The following CCDC3 variants were observed in gnomAD, a reference collection of about 807,000 sequenced individuals.
CCDC3 encodes the protein coiled-coil domain containing 3, also known as coiled-coil domain-containing protein 3.
In CCDC3, 24 loss-of-function variants were observed where a neutral mutation model predicts 21.4. The observed-to-expected ratio is 1.12, with a 90% CI of 0.81 to 1.58. The LOEUF (loss-of-function observed/expected upper bound fraction) is 1.58, where lower values mean the gene tolerates loss of function less well. Among genes scored for constraint, CCDC3 ranks in the 40% most tolerant of loss-of-function variants. The pLI is 0.00. For synonymous variants in CCDC3, 186 were observed against 166.0 expected (o/e 1.12, Z -0.93); for missense variants, 425 against 360.9 (o/e 1.18, Z -1.44).
At chr10:13,002,320 G>A (rs1478667507), upstream of CCDC3, among the ~76,000 whole-genome samples, 1 of 152,180 alleles carries the variant, frequency 6.6e-6, no homozygotes, top group Non-Finnish European at 1.5e-5. Flanking sequence ...TCACATCAGT[G>A]AGTGAATTTG....
chr10:12,925,955 T>G lies in CCDC3; in HGVS notation c.550-27276A>C, dbSNP rs142950579. On this transcript the variant is annotated intron_variant, in intron 2 of 2. Coordinates refer to ENST00000378825, the MANE Select transcript of CCDC3 (RefSeq NM_031455.4). ...GGTTTGGCACAGGCCCTGGGAGGCT[T>G]TATTGGGCCACAAAGGCAGAATTTG... Among the ~76,000 whole-genome samples, 475 of 152,328 alleles carry G rather than the reference T, an allele frequency of 3.1e-3. 2 individuals carry two copies. Among genetic ancestry groups the G allele is most frequent in the African/African-American group, 0.011 (441 of 41,576 alleles).
In CCDC3 at chr10:12,898,562, T is replaced by C. The variant is rs748960897; in HGVS notation, c.667A>G (p.Lys223Glu). Residue 223 changes from lysine to glutamate, a missense_variant, in exon 3 of 3, where the codon AAG (lysine) becomes GAG (glutamate). Transcript: ENST00000378825. ...RNRQLRERVK[K>E]VKRSLRQARK... ...GCCTGCCGCAAGGACCTCTTGACCT[T>C]CTTCACTCGCTCCCGGAGCTGCCGG... 85 of 1,614,016 alleles carry C rather than the reference T, an allele frequency of 5.3e-5. No individual in the cohort carries two copies. Among genetic ancestry groups the C allele is most frequent in the Non-Finnish European group, 7.1e-5 (84 of 1,179,974 alleles).
At chr10:12,951,087 GAAAT>G (rs1336036709) in intron 2 of CCDC3, among the ~76,000 whole-genome samples, 2 of 152,184 alleles carry the variant, frequency 1.3e-5, no homozygotes, top group African/African-American at 2.4e-5. Flanking sequence ...AGCACTGTGA[GAAAT>G]AAAAAGTTTA....
intron 5 of CCDC3, among the ~76,000 whole-genome samples, chr10:13,046,707 C>CA (rs35466054): frequency 3.7e-4 from 51 of 138,116 alleles, no homozygotes; most frequent in African/African-American, 8.7e-4. Context: ...AACTCCGTCT[C>CA]AAAAAAAAAA....
intron 4 of CCDC3, among the ~76,000 whole-genome samples, chr10:13,073,185 G>A (rs1017778026): frequency 6.6e-6 from 1 of 152,036 alleles, no homozygotes; most frequent in Non-Finnish European, 1.5e-5. Flanking sequence ...TTTCACTTAG[G>A]AGTTTTATAA....
intron 5 of CCDC3, among the ~76,000 whole-genome samples, chr10:13,045,864 G>C (rs1475880740): frequency 6.6e-6 from 1 of 151,818 alleles, no homozygotes; most frequent in African/African-American, 2.4e-5. Flanking sequence ...GCCGAGATGG[G>C]GGGATCATGA....
chr10:13,044,099 T>C (rs1836494903), intron 5 of CCDC3, among the ~76,000 whole-genome samples: 1 of 152,240 alleles, frequency 6.6e-6, no homozygotes, highest in African/African-American at 2.4e-5. Context: ...TGCATTTCTC[T>C]GATGATTAGT....
At chr10:13,085,984 A>G (rs1018944056) in intron 3 of CCDC3, among the ~76,000 whole-genome samples, 2 of 151,972 alleles carry the variant, frequency 1.3e-5, no homozygotes, top group Non-Finnish European at 2.9e-5. Context: ...AAAAAAAGAA[A>G]GAAAGAAATT....
intron 2 of CCDC3, among the ~76,000 whole-genome samples, chr10:12,997,192 T>C (rs1362351515): frequency 6.6e-6 from 1 of 150,938 alleles, no homozygotes; most frequent in African/African-American, 2.4e-5. Context: ...CCCTTCTTGA[T>C]GGGTGGAAAG....
chr10:13,097,242 A>G (rs1040032724), intron 3 of CCDC3, among the ~76,000 whole-genome samples: 1 of 152,112 alleles, frequency 6.6e-6, no homozygotes, highest in African/African-American at 2.4e-5. Flanking sequence ...CCATCTACCC[A>G]TGGAAGTGTG....
intron 5 of CCDC3, among the ~76,000 whole-genome samples, chr10:13,034,104 A>G (rs1488710483): frequency 1.3e-5 from 2 of 152,210 alleles, no homozygotes; most frequent in East Asian, 3.8e-4. Flanking sequence ...GATGTCCATC[A>G]ATGATAGATT....
rs563896574 is a variant in CCDC3, at chr10:12,957,973, G to A, written c.549+40365C>T. Among the ~76,000 whole-genome samples, 9 of 152,164 alleles carry A rather than the reference G, an allele frequency of 5.9e-5. No homozygotes were observed. The South Asian group carries it at 1.9e-3, about 32-fold the overall frequency. ...GCCTCCCAAATAGGTGGAACTACAG[G>A]CTCACACCACGTCTGGCTAATTTTT... On this transcript the variant is annotated intron_variant, in intron 2 of 2. Transcript: ENST00000378825.
chr10:13,046,665 C>T (rs1836533736), intron 5 of CCDC3, among the ~76,000 whole-genome samples: 1 of 149,900 alleles, frequency 6.7e-6, no homozygotes, highest in Non-Finnish European at 1.5e-5. Flanking sequence ...TGAGACCGGG[C>T]CATTGCACTC....
chr10:13,010,162 C>A (rs774014984), intron 5 of CCDC3, among the ~76,000 whole-genome samples: 1 of 152,068 alleles, frequency 6.6e-6, no homozygotes, highest in Non-Finnish European at 1.5e-5. Context: ...GCAAGAGAAT[C>A]GCTTGAACCT....
At chr10:12,981,814 T>A (rs1182514748) in intron 2 of CCDC3, among the ~76,000 whole-genome samples, 2 of 151,968 alleles carry the variant, frequency 1.3e-5, no homozygotes, top group African/African-American at 4.8e-5. Context: ...ACCACATGAT[T>A]ATCCATGAGT....
chr10:13,045,459 C>A (rs184526667), intron 5 of CCDC3, among the ~76,000 whole-genome samples: 18 of 152,086 alleles, frequency 1.2e-4, no homozygotes, highest in African/African-American at 4.1e-4. Context: ...GAAACCCTGT[C>A]TCTACTAAAA....
At position 13,087,962 on chromosome 10, in the gene CCDC3, G is replaced by A. The variant is rs74714432; in HGVS notation, c.-503+10563C>T. ...GCTGAGGATCTGTATAAAATGATCA[G>A]ATCCAGGATTCCACTAGTTGGTAAA... On this transcript the variant is annotated intron_variant, in intron 3 of 6. Coordinates refer to the CCDC3 transcript ENST00000378839. 6.9e-3 allele frequency among the ~76,000 whole-genome samples: 1,050 copies of A among 152,302 alleles called. 8 individuals carry two copies. The highest frequency in any genetic ancestry group is 0.028 in the South Asian group (134 of 4,818).
intron 2 of CCDC3, among the ~76,000 whole-genome samples, chr10:12,976,450 G>C (rs1174880879): frequency 6.6e-6 from 1 of 152,172 alleles, no homozygotes; most frequent in East Asian, 1.9e-4. Flanking sequence ...TGGGGGCAGA[G>C]GGCTGAGGAG....
intron 4 of CCDC3, among the ~76,000 whole-genome samples, chr10:13,062,487 G>A (rs1166000212): frequency 6.6e-6 from 1 of 152,046 alleles, no homozygotes. Flanking sequence ...CTTACAAACA[G>A]TCTTAAATGT....
Sources: allele counts gnomAD v4.1 joint callset (sites outside exome capture counted in the v4.1 genomes callset), GRCh38; gene constraint gnomAD v4.1.1; transcripts MANE v1.5; gene names NCBI Gene and HGNC (gene_info 2026-07-23, HGNC 2026-07-21).